The following OR56B4 variants were observed in gnomAD, a reference collection of about 807,000 sequenced individuals.
The protein encoded by OR56B4 is olfactory receptor 56B4.
For missense variants in OR56B4, 447 were observed against 384.6 expected (o/e 1.16, Z -1.36); for synonymous variants, 142 against 149.5 (o/e 0.95, Z 0.37).
In OR56B4 at chr11:6,108,312, T is replaced by C; in HGVS notation, c.534T>C (p.Asn178=). 6.2e-7 allele frequency: 1 copy of C among 1,614,214 alleles called. No homozygotes were observed. Among genetic ancestry groups the C allele is most frequent in the Non-Finnish European group, 8.5e-7 (1 of 1,180,030 alleles). ...LAAQRHYCSR[N]EIEHCLCSNL... is the part of the protein sequence containing the mutation. ...CCCAGAGACACTACTGTTCCAGGAA[T>C]GAAATCGAGCACTGCCTCTGCTCTA... Residue 178 remains asparagine (N), a synonymous_variant, in exon 1 of 1, where the codon AAT becomes AAC. Transcript: ENST00000316529.
In OR56B4 at chr11:6,108,042, G is replaced by A; in HGVS notation, c.264G>A (p.Leu88=). 6.2e-7 allele frequency: 1 copy of A among 1,614,122 alleles called. No homozygotes were observed. Among genetic ancestry groups the A allele is most frequent in the Non-Finnish European group, 8.5e-7 (1 of 1,180,006 alleles). The change falls in exon 1 of 1, where the codon CTG becomes CTA. Residue 88 remains leucine, a synonymous_variant. Transcript: ENST00000316529. ...CCACCACCATCATGCCCAAGATCCT[G>A]GCCATCTTCTGGTTTGATGCCAAGG... The part of the protein sequence containing the change: ...GLATTIMPKI[L]AIFWFDAKAI...
chr11:6,108,366 T>C lies in OR56B4; in HGVS notation c.588T>C (p.Asp196=), dbSNP rs1168454431. 3 of 1,614,186 alleles carry C rather than the reference T, an allele frequency of 1.9e-6. No homozygotes were observed. In the South Asian group the frequency reaches 3.3e-5, roughly 18 times the overall value. Residue 196 remains aspartate, a synonymous_variant, in exon 1 of 1, where the codon GAT becomes GAC. Coordinates refer to ENST00000316529, the MANE Select transcript of OR56B4 (RefSeq NM_001005181.2). The stretch of plus-strand genomic sequence containing the variant: ...TGGGGGTTATCAGCCTGGCTTGTGA[T>C]GACATCACTGTGAACAAATTTTACC... ...SNLGVISLAC[D]DITVNKFYQL... is the part of the protein sequence containing the mutation.
rs1030020995 is a variant in OR56B4, at chr11:6,107,723, T to A, written c.-56T>A. ...CGATGCTCAGCCCCTTAGCTGAACT[T>A]TTAAACAGAGATTTCTTCTATTTCA... On this transcript the variant is annotated 5_prime_UTR_variant, in exon 1 of 1. Transcript: ENST00000316529. The A allele has an allele frequency of 9.7e-6, 15 of 1,547,542 alleles. No individual in the cohort carries two copies. The highest frequency in any genetic ancestry group is 1.3e-5 in the Non-Finnish European group (15 of 1,141,466).
Position 6,108,564 on chromosome 11 carries a change from G to A in OR56B4, c.786G>A (p.Val262=). 3.7e-6 allele frequency: 6 copies of A among 1,614,102 alleles called. No homozygotes were observed. The South Asian group carries it at 5.5e-5, about 15-fold the overall frequency. Residue 262 remains valine (V), a synonymous_variant, in exon 1 of 1, where the codon GTG becomes GTA. Transcript: ENST00000316529. ...TCCTCTTCCACACAGGTATCATTGT[G>A]CTGTCTGTCACACACCTTGCAGAGA... The part of the protein sequence containing the change: ...ILILFHTGII[V]LSVTHLAEKK...
rs1849029879 is a variant in OR56B4 at position 6,108,516 on chromosome 11, T to G, written c.738T>G (p.Thr246=). The change falls in exon 1 of 1, where the codon ACT becomes ACG. Residue 246 remains threonine (T), a synonymous_variant. Transcript: ENST00000316529. The part of the protein sequence containing the change: ...SAEAMSKALS[T]CSSHLILILF... Reference sequence around the variant, plus strand: ...AAGCAATGTCCAAGGCTCTGAGCACTTGTAGCTCCCACCTCATCCTCATCC... The same window carrying G: ...AAGCAATGTCCAAGGCTCTGAGCACGTGTAGCTCCCACCTCATCCTCATCC... 3.1e-6 allele frequency: 5 copies of G among 1,614,084 alleles called. No individual in the cohort carries two copies. The highest frequency in any genetic ancestry group is 4.2e-6 in the Non-Finnish European group (5 of 1,180,030).
Position 6,108,292 on chromosome 11 carries a change from A to G in OR56B4, c.514A>G (p.Arg172Gly). The G allele has an allele frequency of 6.2e-7, 1 of 1,614,200 alleles. No individual in the cohort carries two copies. The highest frequency in any genetic ancestry group is 8.5e-7 in the Non-Finnish European group (1 of 1,180,020). ...CCCAGTGCCTATACTGGCTGCCCAGAGACACTACTGTTCCAGGAATGAAAT... is the reference window on the plus strand; with the variant it reads ...CCCAGTGCCTATACTGGCTGCCCAGGGACACTACTGTTCCAGGAATGAAAT... ...TIPVPILAAQ[R>G]HYCSRNEIEH... Residue 172 changes from arginine (R) to glycine (G), a missense_variant, in exon 1 of 1, where the codon AGA becomes GGA. By Grantham distance (125) the Arg-to-Gly change is moderately radical. Transcript: ENST00000316529.
In OR56B4 at chr11:6,108,704, G is replaced by C. The variant is rs749679241; in HGVS notation, c.926G>C (p.Arg309Thr). ...RMHKLRLGFQ[R>T]LLGLGQDVSK ...CACAAACTCAGACTGGGCTTTCAGAGACTGCTTGGACTGGGTCAGGACGTG... is the reference window on the plus strand; with the variant it reads ...CACAAACTCAGACTGGGCTTTCAGACACTGCTTGGACTGGGTCAGGACGTG... The change falls in exon 1 of 1, where the codon AGA becomes ACA. Residue 309 changes from arginine to threonine, a missense_variant. Arg to Thr is a moderately conservative substitution (Grantham distance 71, BLOSUM62 -1). Transcript: ENST00000316529. 6.2e-7 allele frequency: 1 copy of C among 1,613,986 alleles called. No individual in the cohort carries two copies. The highest frequency in any genetic ancestry group is 1.3e-5 in the African/African-American group (1 of 74,876).
Position 6,108,193 on chromosome 11 carries a change from C to G in OR56B4, c.415C>G (p.Pro139Ala), listed in dbSNP as rs756826949. ...AGCCATCTGTCGCCCTCTTCAGTACCCCTCCATAGTCACTAAAGCTTTTGT... is the reference window on the plus strand; with the variant it reads ...AGCCATCTGTCGCCCTCTTCAGTACGCCTCCATAGTCACTAAAGCTTTTGT... Reference protein sequence around the residue: ...YIAICRPLQYPSIVTKAFVFK... With the variant: ...YIAICRPLQYASIVTKAFVFK... Residue 139 changes from proline (P) to alanine (A), a missense_variant, in exon 1 of 1, where the codon CCC (proline) becomes GCC (alanine). Physicochemically the swap from Pro to Ala is conservative, Grantham distance 27. Coordinates refer to ENST00000316529, the MANE Select transcript of OR56B4 (RefSeq NM_001005181.2). The G allele has an allele frequency of 3.7e-6, 6 of 1,614,098 alleles. No individual in the cohort carries two copies. Among genetic ancestry groups the G allele is most frequent in the Non-Finnish European group, 4.2e-6 (5 of 1,179,982 alleles).
At position 6,108,276 on chromosome 11, in the gene OR56B4, T is replaced by A. The variant is rs779731425; in HGVS notation, c.498T>A (p.Pro166=). 1 of 1,614,160 alleles carries A rather than the reference T, an allele frequency of 6.2e-7. No homozygotes were observed. The highest frequency in any genetic ancestry group is 8.5e-7 in the Non-Finnish European group (1 of 1,180,018). ...LRNGLLTIPV[P]ILAAQRHYCS... is the part of the protein sequence containing the mutation. ...ATGGCCTGTTGACCATCCCAGTGCCTATACTGGCTGCCCAGAGACACTACT... is the reference window on the plus strand; with the variant it reads ...ATGGCCTGTTGACCATCCCAGTGCCAATACTGGCTGCCCAGAGACACTACT... Residue 166 remains proline (P), a synonymous_variant, in exon 1 of 1, where the codon CCT becomes CCA. Transcript: ENST00000316529.
chr11:6,108,049 T>C lies in OR56B4; in HGVS notation c.271T>C (p.Phe91Leu). The change falls in exon 1 of 1, where the codon TTC becomes CTC. Residue 91 changes from phenylalanine to leucine, a missense_variant. By Grantham distance (22) the Phe-to-Leu change is conservative (BLOSUM62 0). Transcript: ENST00000316529. ...CATCATGCCCAAGATCCTGGCCATCTTCTGGTTTGATGCCAAGGCCATTAG... is the reference window on the plus strand; with the variant it reads ...CATCATGCCCAAGATCCTGGCCATCCTCTGGTTTGATGCCAAGGCCATTAG... Reference protein sequence around the residue: ...TTIMPKILAIFWFDAKAISLP... With the variant: ...TTIMPKILAILWFDAKAISLP... 1 of 1,614,166 alleles carries C rather than the reference T, an allele frequency of 6.2e-7. No homozygotes were observed. The highest frequency in any genetic ancestry group is 8.5e-7 in the Non-Finnish European group (1 of 1,180,016).
At position 6,107,980 on chromosome 11, in the gene OR56B4, T is replaced by C; in HGVS notation, c.202T>C (p.Leu68=). 1 of 1,614,090 alleles carries C rather than the reference T, an allele frequency of 6.2e-7. No homozygotes were observed. The highest frequency in any genetic ancestry group is 8.5e-7 in the Non-Finnish European group (1 of 1,179,986). Residue 68 remains leucine, a synonymous_variant, in exon 1 of 1, where the codon TTG becomes CTG. Transcript: ENST00000316529. ...CGTGCTACATGAACCCATGTACCAT[T>C]TGCTGGGCATATTAGCAGTGGTGGA... The part of the protein sequence containing the change: ...ETVLHEPMYH[L]LGILAVVDIG...
chr11:6,107,941 A>G lies in OR56B4; in HGVS notation c.163A>G (p.Ile55Val), dbSNP rs759437788. Residue 55 changes from isoleucine to valine, a missense_variant, in exon 1 of 1, where the codon ATT becomes GTT. Transcript: ENST00000316529. ...LGANLLIIIT[I>V]QHETVLHEPM... Reference sequence around the variant, plus strand: ...TGCCAATCTCCTCATCATAATCACCATTCAACATGAGACCGTGCTACATGA... The same window carrying G: ...TGCCAATCTCCTCATCATAATCACCGTTCAACATGAGACCGTGCTACATGA... The G allele has an allele frequency of 2.5e-5, 41 of 1,613,906 alleles. No individual in the cohort carries two copies. The highest frequency in any genetic ancestry group is 3.1e-5 in the Non-Finnish European group (37 of 1,180,006).
rs1365881076 is a variant in OR56B4, at chr11:6,108,190, T to C, written c.412T>C (p.Tyr138His). ...CATAGCCATCTGTCGCCCTCTTCAG[T>C]ACCCCTCCATAGTCACTAAAGCTTT... ...RYIAICRPLQ[Y>H]PSIVTKAFVF... Residue 138 changes from tyrosine to histidine, a missense_variant, in exon 1 of 1, where the codon TAC (tyrosine) becomes CAC (histidine). By Grantham distance (83) the Tyr-to-His change is moderately conservative. Coordinates refer to ENST00000316529, the MANE Select transcript of OR56B4 (RefSeq NM_001005181.2). 1.2e-6 allele frequency: 2 copies of C among 1,614,056 alleles called. No individual in the cohort carries two copies. The highest frequency in any genetic ancestry group is 2.7e-5 in the African/African-American group (2 of 74,940).
rs781259042 is a variant in OR56B4, at chr11:6,108,689, G to T, written c.911G>T (p.Arg304Ile). The T allele has an allele frequency of 2.5e-6, 4 of 1,614,132 alleles. No individual in the cohort carries two copies. In the East Asian group the frequency reaches 8.9e-5, roughly 36 times the overall value. The change falls in exon 1 of 1, where the codon AGA becomes ATA. Residue 304 changes from arginine (R) to isoleucine (I), a missense_variant. By Grantham distance (97) the Arg-to-Ile change is moderately conservative (BLOSUM62 -3). Transcript: ENST00000316529. Reference protein sequence around the residue: ...LACALRMHKLRLGFQRLLGLG... With the variant: ...LACALRMHKLILGFQRLLGLG... ...TGTGCACTCAGGATGCACAAACTCA[G>T]ACTGGGCTTTCAGAGACTGCTTGGA...
rs754151628 is a variant in OR56B4 at position 6,107,889 on chromosome 11, G to A, written c.111G>A (p.Leu37=). Residue 37 remains leucine, a synonymous_variant, in exon 1 of 1, where the codon CTG becomes CTA. Coordinates refer to ENST00000316529, the MANE Select transcript of OR56B4 (RefSeq NM_001005181.2). ...HEWQHWLSLP[L]TLLYLLALGA... is the part of the protein sequence containing the mutation. ...GGCAGCACTGGCTCTCCCTGCCCCT[G>A]ACTCTGCTCTACCTCTTAGCTCTTG... 13 of 1,614,120 alleles carry A rather than the reference G, an allele frequency of 8.1e-6. No individual in the cohort carries two copies. The highest frequency in any genetic ancestry group is 1.7e-4 in the Middle Eastern group (1 of 6,054).
chr11:6,108,053 G>A lies in OR56B4; in HGVS notation c.275G>A (p.Trp92Ter). The A allele has an allele frequency of 1.2e-6, 2 of 1,614,136 alleles. No homozygotes were observed. The highest frequency in any genetic ancestry group is 1.7e-6 in the Non-Finnish European group (2 of 1,180,012). ...TIMPKILAIFWFDAKAISLPM... is the reference protein window; with the variant it reads ...TIMPKILAIF ...ATGCCCAAGATCCTGGCCATCTTCT[G>A]GTTTGATGCCAAGGCCATTAGCCTC... Residue 92 changes from tryptophan to a stop codon, truncating the protein, a stop_gained, in exon 1 of 1, where the codon TGG becomes TAG. Coordinates refer to ENST00000316529, the MANE Select transcript of OR56B4 (RefSeq NM_001005181.2). LOFTEE classifies it low-confidence loss of function (END_TRUNC).
rs1215941450 is a variant in OR56B4, at chr11:6,108,499, T to A, written c.721T>A (p.Ser241Thr). The change falls in exon 1 of 1, where the codon TCC becomes ACC. Residue 241 changes from serine to threonine, a missense_variant. Ser to Thr is a moderately conservative substitution (Grantham distance 58). Coordinates refer to ENST00000316529, the MANE Select transcript of OR56B4 (RefSeq NM_001005181.2). The part of the protein sequence containing the change: ...VLRLNSAEAM[S>T]KALSTCSSHL... ...GAGGCTGAACTCAGCAGAAGCAATG[T>A]CCAAGGCTCTGAGCACTTGTAGCTC... 2 of 1,614,252 alleles carry A rather than the reference T, an allele frequency of 1.2e-6. No individual in the cohort carries two copies. Among genetic ancestry groups the A allele is most frequent in the Non-Finnish European group, 1.7e-6 (2 of 1,180,040 alleles).
Position 6,108,333 on chromosome 11 carries a change from C to T in OR56B4, c.555C>T (p.Cys185=), listed in dbSNP as rs754443104. 9 of 1,614,226 alleles carry T rather than the reference C, an allele frequency of 5.6e-6. No individual in the cohort carries two copies. In the Admixed American group the frequency reaches 8.3e-5, roughly 15 times the overall value. Residue 185 remains cysteine (C), a synonymous_variant, in exon 1 of 1, where the codon TGC becomes TGT. Transcript: ENST00000316529. ...CSRNEIEHCL[C]SNLGVISLAC... ...GGAATGAAATCGAGCACTGCCTCTGCTCTAACTTGGGGGTTATCAGCCTGG... is the reference window on the plus strand; with the variant it reads ...GGAATGAAATCGAGCACTGCCTCTGTTCTAACTTGGGGGTTATCAGCCTGG...
At position 6,108,165 on chromosome 11, in the gene OR56B4, C is replaced by T. The variant is rs766532473; in HGVS notation, c.387C>T (p.Tyr129=). The T allele has an allele frequency of 1.9e-6, 3 of 1,613,926 alleles. No homozygotes were observed. Among genetic ancestry groups the T allele is most frequent in the South Asian group, 1.1e-5 (1 of 91,076 alleles). The change falls in exon 1 of 1, where the codon TAC becomes TAT. Residue 129 remains tyrosine (Y), a synonymous_variant. Transcript: ENST00000316529. ...GIFLCMAVDR[Y]IAICRPLQYP... The stretch of plus-strand genomic sequence containing the variant: ...TTCTCTGCATGGCAGTAGACAGATA[C>T]ATAGCCATCTGTCGCCCTCTTCAGT...
Sources: gnomAD v4.1 joint callset for allele counts on GRCh38, gnomAD v4.1.1 for gene constraint, MANE v1.5 for transcripts, NCBI Gene and HGNC (gene_info 2026-07-23, HGNC 2026-07-21) for gene names.